PCMTD1: variants seen among roughly 807,000 people sequenced by gnomAD.
PCMTD1 encodes the protein protein-L-isoaspartate (D-aspartate) O-methyltransferase domain containing 1, also known as protein-L-isoaspartate O-methyltransferase domain-containing protein 1.
A neutral mutation model predicts 37.6 loss-of-function variants in PCMTD1; 12 were observed. The ratio of observed to expected loss-of-function variants is 0.32; its 90% CI spans 0.20 to 0.52. The LOEUF is 0.52. PCMTD1 is among the 20% of genes least tolerant of loss of function. PCMTD1 has a pLI of 0.97. For synonymous variants in PCMTD1, 117 were observed against 135.8 expected, an observed-to-expected ratio of 0.86 and a Z score of 0.96; for missense variants, 235 against 421.3, an observed-to-expected ratio of 0.56 and a Z score of 3.87.
intron 5 of PCMTD1, among the ~76,000 whole-genome samples, chr8:51,829,324 C>T (rs989996480): frequency 6.6e-6 from 1 of 152,214 alleles, no homozygotes; most frequent in Non-Finnish European, 1.5e-5. Context: ...CAGAGCCATG[C>T]AAGCCTCTCT....
At chr8:51,842,397 C>G (rs1305828557) in intron 3 of PCMTD1, among the ~76,000 whole-genome samples, 6 of 152,092 alleles carry the variant, frequency 3.9e-5, no homozygotes, top group Non-Finnish European at 8.8e-5. Flanking sequence ...ATAGTGCAAT[C>G]TTGGCTTACT....
At chr8:51,888,275 T>C (rs940836871) in intron 1 of PCMTD1, among the ~76,000 whole-genome samples, 1 of 152,124 alleles carries the variant, frequency 6.6e-6, no homozygotes, top group African/African-American at 2.4e-5. Context: ...CAACAGGATA[T>C]AGTAGCAGAT....
intron 1 of PCMTD1, among the ~76,000 whole-genome samples, chr8:51,891,566 A>G (rs1052531131): frequency 5.3e-5 from 8 of 151,926 alleles, no homozygotes; most frequent in African/African-American, 1.9e-4. Context: ...AAAAAAAAGA[A>G]AACAAAAAAA....
intron 1 of PCMTD1, among the ~76,000 whole-genome samples, chr8:51,882,195 T>C (rs900237501): frequency 2.6e-5 from 4 of 152,244 alleles, no homozygotes; most frequent in African/African-American, 7.2e-5. Context: ...CTTCCTGGCT[T>C]GCCGATGGTC....
intron 1 of PCMTD1, chr8:51,870,255 C>A (rs1452018799): frequency 1.3e-5 from 2 of 152,184 alleles, no homozygotes; most frequent in African/African-American, 4.8e-5. Flanking sequence ...CACCAGTGAT[C>A]CAAAGGAAAA....
intron 1 of PCMTD1, among the ~76,000 whole-genome samples, chr8:51,898,618 G>A (rs2039046126): frequency 6.6e-6 from 1 of 152,058 alleles, no homozygotes; most frequent in Non-Finnish European, 1.5e-5. Context: ...CGGCGCCCCG[G>A]CCTCCCTCGG....
Position 51,820,463 on chromosome 8 carries a change from T to C in PCMTD1, c.962A>G (p.Asn321Ser), listed in dbSNP as rs114725410. The C allele has an allele frequency of 4.3e-6, 7 of 1,613,938 alleles. No individual in the cohort carries two copies. The highest frequency in any genetic ancestry group is 5.9e-6 in the Non-Finnish European group (7 of 1,179,976). The stretch of plus-strand genomic sequence containing the variant: ...TGGCTCCTCTGGCTTCATTGCTTCA[T>C]TGTGATCTTTTTCCTCCTCTTCTTT... ...DNKEEEEKDH[N>S]EAMKPEEPPQ... The change falls in exon 6 of 6, where the codon AAT becomes AGT. Residue 321 changes from asparagine (N) to serine (S), a missense_variant. Physicochemically the swap from Asn to Ser is conservative, Grantham distance 46. Around this residue, in one of 3 missense-constraint regions of PCMTD1, gnomAD observed 41 missense variants for 36.4 expected, o/e 1.13. Transcript: ENST00000522514.
chr8:51,861,180 A>T lies in PCMTD1; in HGVS notation c.-29T>A. ...AGTATTCAAATCAAATCATAAATTT[A>T]AAAGTGAAATAAAATTAGTAGAAAT... On this transcript the variant is annotated 5_prime_UTR_variant, in exon 2 of 6. Transcript: ENST00000522514. 6.5e-7 allele frequency: 1 copy of T among 1,545,376 alleles called. No homozygotes were observed. Among genetic ancestry groups the T allele is most frequent in the East Asian group, 2.3e-5 (1 of 44,044 alleles).
chr8:51,878,337 G>A lies in PCMTD1; in HGVS notation c.-95-17091C>T, dbSNP rs560436232. Among the ~76,000 whole-genome samples, 4 of 149,642 alleles carry A rather than the reference G, an allele frequency of 2.7e-5. No individual in the cohort carries two copies. In the East Asian group the frequency reaches 7.9e-4, roughly 29 times the overall value. On this transcript the variant is annotated intron_variant, in intron 1 of 5. Coordinates refer to ENST00000522514, the MANE Select transcript of PCMTD1 (RefSeq NM_052937.4). ...TGACAATCTTTTTCCAATGTGGCCT[G>A]GGGAAGCCAAAAGATTGGACACCCC...
intron 2 of PCMTD1, 73 bp downstream of exon 2, chr8:51,860,772 A>C (rs763082944): frequency 1.9e-5 from 24 of 1,264,312 alleles, no homozygotes; most frequent in Non-Finnish European, 2.6e-5. Flanking sequence ...CAAAGTTACA[A>C]CTCCTATAAA....
At chr8:51,886,522 T>C (rs1024667080) in intron 1 of PCMTD1, among the ~76,000 whole-genome samples, 1 of 152,158 alleles carries the variant, frequency 6.6e-6, no homozygotes, top group African/African-American at 2.4e-5. Context: ...AGTATACAAC[T>C]TTTATCAATA....
At chr8:51,876,611 T>C (rs1223267812) in intron 1 of PCMTD1, among the ~76,000 whole-genome samples, 1 of 152,042 alleles carries the variant, frequency 6.6e-6, no homozygotes, top group African/African-American at 2.4e-5. Context: ...GCAGGGAAAA[T>C]ATGAGTCTGA....
chr8:51,861,311 T>C (rs1460190245), intron 1 of PCMTD1, 65 bp from the exon 2 acceptor site: 3 of 1,164,688 alleles, frequency 2.6e-6, no homozygotes, highest in Non-Finnish European at 3.5e-6. Flanking sequence ...AACTTGTTTA[T>C]TAAATGTATG....
chr8:51,844,129 A>G (rs1457544571), intron 3 of PCMTD1, among the ~76,000 whole-genome samples: 1 of 152,160 alleles, frequency 6.6e-6, no homozygotes, highest in East Asian at 1.9e-4. Context: ...ATAATCCTTA[A>G]GACAGAGAGA....
intron 3 of PCMTD1, among the ~76,000 whole-genome samples, chr8:51,838,469 G>A (rs145611279): frequency 4.5e-4 from 68 of 151,986 alleles, no homozygotes; most frequent in African/African-American, 1.4e-3. Flanking sequence ...CAGCCTGTGC[G>A]ACACAGCAAG....
intron 3 of PCMTD1, chr8:51,839,663 C>T (rs983219655): frequency 5.1e-6 from 5 of 976,610 alleles, no homozygotes; most frequent in Non-Finnish European, 6.1e-6. Flanking sequence ...AACAACATTC[C>T]CCTTCAATAC....
At chr8:51,860,660 G>T in intron 2 of PCMTD1, 185 bp downstream of exon 2, 1 of 550,498 alleles carries the variant, frequency 1.8e-6, no homozygotes, top group Non-Finnish European at 3.2e-6. Flanking sequence ...TGTAGGTTGA[G>T]GTAAGGACTC....
At chr8:51,886,760 T>C (rs1156713494) in intron 1 of PCMTD1, among the ~76,000 whole-genome samples, 4 of 152,224 alleles carry the variant, frequency 2.6e-5, no homozygotes, top group Non-Finnish European at 4.4e-5. Flanking sequence ...TTTCTATCAC[T>C]GTCATAGCAA....
At chr8:51,869,739 G>C (rs1017941275) in intron 1 of PCMTD1, among the ~76,000 whole-genome samples, 2 of 152,050 alleles carry the variant, frequency 1.3e-5, no homozygotes, top group African/African-American at 4.8e-5. Context: ...CAGAATAAAA[G>C]GTTCAACAAC....
Sources: allele counts gnomAD v4.1 joint callset (sites outside exome capture counted in the v4.1 genomes callset), GRCh38; gene constraint gnomAD v4.1.1; regional missense constraint gnomAD v4.1.1; transcripts MANE v1.5; gene names NCBI Gene and HGNC (gene_info 2026-07-23, HGNC 2026-07-21).